Variants in SUMF1 observed in about 807,000 individuals in gnomAD.
SUMF1 encodes the protein formylglycine-generating enzyme.
A neutral mutation model predicts 47.6 loss-of-function variants in SUMF1; 48 were observed. The ratio of observed to expected loss-of-function variants is 1.01; its 90% CI spans 0.80 to 1.28. SUMF1 has a LOEUF of 1.28. Ranked by LOEUF, SUMF1 falls within the 50% of genes most tolerant of loss-of-function variation. The pLI is 0.00. For synonymous variants in SUMF1, 230 were observed against 192.1 expected, an observed-to-expected ratio of 1.20 and a Z score of -1.63; for missense variants, 571 against 485.4, an observed-to-expected ratio of 1.18 and a Z score of -1.66.
At chr3:4,176,944 G>C (rs1270194629) in intron 8 of SUMF1, among the ~76,000 whole-genome samples, 1 of 152,100 alleles carries the variant, frequency 6.6e-6, no homozygotes, top group Non-Finnish European at 1.5e-5. Context: ...GACAAAGAAG[G>C]CCATTACATA....
chr3:4,203,741 T>G (rs1221248761), intron 8 of SUMF1, among the ~76,000 whole-genome samples: 1 of 151,944 alleles, frequency 6.6e-6, no homozygotes, highest in Non-Finnish European at 1.5e-5. Flanking sequence ...TCTTTTCATT[T>G]TTAGTATATC....
At chr3:4,376,295 C>T (rs1553564577) in intron 8 of SUMF1, 35 bp downstream of exon 8, 10 of 1,613,134 alleles carry the variant, frequency 6.2e-6, no homozygotes, top group Admixed American at 1.7e-5. Context: ...GCTATCAGAA[C>T]AAGAACGGCA....
chr3:4,389,642 A>G (rs937346989), intron 7 of SUMF1, among the ~76,000 whole-genome samples: 11 of 152,056 alleles, frequency 7.2e-5, no homozygotes. Flanking sequence ...GGCTCTCAAC[A>G]TTTCTTCATT....
At chr3:4,120,659 G>A (rs937818978) in intron 8 of SUMF1, among the ~76,000 whole-genome samples, 15 of 152,116 alleles carry the variant, frequency 9.9e-5, no homozygotes, top group Admixed American at 2.0e-4. Context: ...ATTGTCTGGA[G>A]GAGGGGATTT....
intron 8 of SUMF1, among the ~76,000 whole-genome samples, chr3:4,320,856 T>C (rs1190166014): frequency 4.6e-5 from 7 of 152,062 alleles, no homozygotes; most frequent in Non-Finnish European, 7.4e-5. Flanking sequence ...CCTGCACTTA[T>C]GGGAGTAGGG....
intron 8 of SUMF1, among the ~76,000 whole-genome samples, chr3:4,298,682 T>A (rs1480799198): frequency 1.3e-5 from 2 of 152,238 alleles, no homozygotes; most frequent in Non-Finnish European, 2.9e-5. Flanking sequence ...TAGTTATTTG[T>A]CTGTTACACT....
chr3:4,303,657 C>G (rs201472604), intron 8 of SUMF1: 177 of 1,441,306 alleles, frequency 1.2e-4, no homozygotes, highest in Non-Finnish European at 1.5e-4. Flanking sequence ...CGTTGGTGCG[C>G]GGGAATAGGT....
intron 8 of SUMF1, among the ~76,000 whole-genome samples, chr3:4,092,993 A>C (rs927807968): frequency 1.3e-5 from 2 of 152,102 alleles, no homozygotes; most frequent in Non-Finnish European, 1.5e-5. Context: ...ATGTTTATAG[A>C]GATAGAAATG....
chr3:4,441,476 C>T (rs7340724), intron 3 of SUMF1, among the ~76,000 whole-genome samples: 2 of 152,180 alleles, frequency 1.3e-5, no homozygotes, highest in Non-Finnish European at 2.9e-5. Context: ...ATCCCCTCCC[C>T]TGCCCCACAT....
chr3:4,251,273 A>C (rs771978971), intron 8 of SUMF1, among the ~76,000 whole-genome samples: 4 of 152,190 alleles, frequency 2.6e-5, no homozygotes, highest in African/African-American at 4.8e-5. Flanking sequence ...CTAGAATTAG[A>C]AGTGGAGCCT....
At chr3:4,197,328 TG>T (rs761595782) in intron 8 of SUMF1, among the ~76,000 whole-genome samples, 13 of 152,078 alleles carry the variant, frequency 8.5e-5, no homozygotes, top group Non-Finnish European at 1.5e-4. Flanking sequence ...TTGCCCAGTA[TG>T]GGCTCAAGTG....
intron 8 of SUMF1, among the ~76,000 whole-genome samples, chr3:4,281,200 C>A (rs1486574962): frequency 6.6e-6 from 1 of 152,052 alleles, no homozygotes; most frequent in Non-Finnish European, 1.5e-5. Flanking sequence ...CTCCTCTGTG[C>A]AGCTGATACA....
chr3:4,148,702 T>C lies in SUMF1; in HGVS notation c.1015-79957A>G, dbSNP rs189432866. Among the ~76,000 whole-genome samples the C allele has an allele frequency of 3.3e-5, 5 of 152,272 alleles. No homozygotes were observed. In the East Asian group the frequency reaches 9.6e-4, roughly 29 times the overall value. On this transcript the variant is annotated intron_variant and NMD_transcript_variant, in intron 8 of 12. Transcript: ENST00000448413. Reference sequence around the variant, plus strand: ...TAATGGCTATGTTCCAGTGAAATTTTCTTTACAAAAACAGTCAATGGACCA... The same window carrying C: ...TAATGGCTATGTTCCAGTGAAATTTCCTTTACAAAAACAGTCAATGGACCA...
intron 3 of SUMF1, among the ~76,000 whole-genome samples, chr3:4,430,809 G>A (rs1280679621): frequency 1.3e-5 from 2 of 152,272 alleles, no homozygotes; most frequent in Non-Finnish European, 2.9e-5. Flanking sequence ...TGCCCTGACA[G>A]TGCTTCCTGC....
chr3:4,321,470 TAAAAA>T (rs1206478992), intron 8 of SUMF1, among the ~76,000 whole-genome samples: 6 of 63,736 alleles, frequency 9.4e-5, no homozygotes, highest in East Asian at 4.3e-4. Context: ...AAGGAAATGC[TAAAAA>T]AAAAAAAAAA....
At chr3:4,431,180 C>T (rs895988617) in intron 3 of SUMF1, among the ~76,000 whole-genome samples, 4 of 152,076 alleles carry the variant, frequency 2.6e-5, no homozygotes, top group Non-Finnish European at 5.9e-5. Context: ...ATGGTGAAAC[C>T]CCACCTCCAA....
intron 8 of SUMF1, among the ~76,000 whole-genome samples, chr3:4,167,397 G>T (rs76507828): frequency 0.028 from 4,289 of 152,102 alleles, 92 homozygotes; most frequent in African/African-American, 0.051. Context: ...CCTGCTGAAT[G>T]GTCCATTTTA....
chr3:4,159,143 T>A (rs1381194827), intron 8 of SUMF1, among the ~76,000 whole-genome samples: 1 of 151,404 alleles, frequency 6.6e-6, no homozygotes, highest in Non-Finnish European at 1.5e-5. Flanking sequence ...CTATTACCAG[T>A]AAGGTTTGTA....
intron 8 of SUMF1, among the ~76,000 whole-genome samples, chr3:4,178,896 AACAG>A: frequency 6.6e-6 from 1 of 152,178 alleles, no homozygotes; most frequent in African/African-American, 2.4e-5. Context: ...GTAAACCATT[AACAG>A]ACAAACAAAG....
Sources: allele counts gnomAD v4.1 joint callset (sites outside exome capture counted in the v4.1 genomes callset), GRCh38; gene constraint gnomAD v4.1.1; transcripts MANE v1.5; gene names NCBI Gene and HGNC (gene_info 2026-07-23, HGNC 2026-07-21).